Variants in SOX6 observed in about 807,000 individuals in gnomAD.
SOX6 encodes the protein transcription factor SOX-6.
In SOX6, 11 loss-of-function variants were observed where a neutral mutation model predicts 97.8. That is an observed-to-expected ratio of 0.11 (90% confidence interval 0.07 to 0.19). SOX6 has a LOEUF of 0.19. Among genes scored for constraint, SOX6 ranks in the 10% least tolerant of loss-of-function variants. The pLI is 1.00. For synonymous variants in SOX6, 360 were observed against 371.4 expected (o/e 0.97, Z 0.35); for missense variants, 810 against 1,039.5 (o/e 0.78, Z 3.04).
chr11:16,241,759 G>C (rs1853201803), intron 3 of SOX6, among the ~76,000 whole-genome samples: 2 of 151,980 alleles, frequency 1.3e-5, no homozygotes, highest in Admixed American at 6.6e-5. Context: ...CTATATGCAT[G>C]TGGACAGTCA....
intron 3 of SOX6, among the ~76,000 whole-genome samples, chr11:16,274,101 T>C (rs947016830): frequency 6.6e-6 from 1 of 152,084 alleles, no homozygotes; most frequent in Non-Finnish European, 1.5e-5. Flanking sequence ...AATAAATATG[T>C]AGCTTTTATA....
rs552589047 is a variant in SOX6, at chr11:16,610,846, C to G, written n.609+1235G>C. On this transcript the variant is annotated intron_variant and non_coding_transcript_variant, in intron 4 of 5. Transcript: ENST00000524520. This position sits in a 1 kb window ranked among gnomAD's most constrained non-coding sequence, Gnocchi z 4.4. ...GTAAAGTGCTGGGCTCTCCACCTAC[C>G]TGGTGCGCACCGGCCTGCGGGCTCG... is the stretch of plus-strand genomic sequence containing the variant. 1.3e-4 allele frequency among the ~76,000 whole-genome samples: 20 copies of G among 152,300 alleles called. No homozygotes were observed. In the South Asian group the frequency reaches 4.1e-3, roughly 32 times the overall value.
intron 3 of SOX6, among the ~76,000 whole-genome samples, chr11:16,688,166 G>A (rs1295127816): frequency 6.6e-6 from 1 of 151,726 alleles, no homozygotes; most frequent in Admixed American, 6.6e-5. Context: ...TAGAGATGAG[G>A]TCTTACTATG....
At chr11:16,242,892 T>G (rs1201723354) in intron 3 of SOX6, among the ~76,000 whole-genome samples, 1 of 151,968 alleles carries the variant, frequency 6.6e-6, no homozygotes, top group South Asian at 2.1e-4. Flanking sequence ...AGTTTGACCC[T>G]GCTGATTAAG....
At chr11:16,552,614 C>A in intron 4 of SOX6, among the ~76,000 whole-genome samples, 1 of 152,178 alleles carries the variant, frequency 6.6e-6, no homozygotes, top group East Asian at 1.9e-4. Flanking sequence ...TATTGCTACC[C>A]ATGACACTTA....
At chr11:16,247,074 C>G (rs1291070916) in intron 3 of SOX6, among the ~76,000 whole-genome samples, 1 of 152,136 alleles carries the variant, frequency 6.6e-6, no homozygotes, top group African/African-American at 2.4e-5. Flanking sequence ...TTATCCTTCC[C>G]AGCTACTGGT....
rs371518412 is a variant in SOX6 at position 16,227,899 on chromosome 11, T to TA, written c.535+6682dup. Among the ~76,000 whole-genome samples, 49 of 152,234 alleles carry TA rather than the reference T, an allele frequency of 3.2e-4. 1 individual carries two copies. The East Asian group carries it at 8.3e-3, about 26-fold the overall frequency. Reference sequence around the variant, plus strand: ...AATACTAATGTAACAATAGATCTCTTAAAAATATGAGACCCAGGCCGGGTG... The same window carrying TA: ...AATACTAATGTAACAATAGATCTCTTAAAAAATATGAGACCCAGGCCGGGTG... On this transcript the variant is annotated intron_variant, in intron 4 of 15. Transcript: ENST00000683767.
rs201516052 is a variant in SOX6 at position 16,132,266 on chromosome 11, AGAAGGAAGGAAGGAAGGAAGGAAGGAAG to A, written c.778-20371_778-20344del. On this transcript the variant is annotated intron_variant, in intron 6 of 15. Coordinates refer to ENST00000683767, the MANE Select transcript of SOX6 (RefSeq NM_001367873.1). ...AAGAAAGGAAGGAAGAAAGAAAGAA[AGAAGGAAGGAAGGAAGGAAGGAAGGAAG>A]GAAGGAAGGAAGGAAGGAAGGAAGG... 8.3e-3 allele frequency among the ~76,000 whole-genome samples: 319 copies of A among 38,258 alleles called. 8 individuals are homozygous for A. The highest frequency in any genetic ancestry group is 0.032 in the Middle Eastern group (2 of 62). The allele number at this position is 38,258 out of a possible 152,430, so 25.1% of individuals were successfully genotyped here. A position where few individuals can be genotyped will look rare whatever the true frequency, so the allele number is the denominator to read the frequency against.
At chr11:16,732,651 C>T (rs1232637055) in intron 2 of SOX6, among the ~76,000 whole-genome samples, 1 of 152,146 alleles carries the variant, frequency 6.6e-6, no homozygotes, top group Non-Finnish European at 1.5e-5. Context: ...AAAACCTAGG[C>T]AATACCATAC....
At chr11:16,560,378 C>T (rs1414859769) in intron 4 of SOX6, among the ~76,000 whole-genome samples, 1 of 151,828 alleles carries the variant, frequency 6.6e-6, no homozygotes, top group African/African-American at 2.4e-5. Flanking sequence ...GTAGCAGGTG[C>T]CTTGTATTAC....
intron 3 of SOX6, among the ~76,000 whole-genome samples, chr11:16,293,993 C>T (rs1458542391): frequency 6.6e-6 from 1 of 151,592 alleles, no homozygotes; most frequent in Non-Finnish European, 1.5e-5. Flanking sequence ...TAATTACTGG[C>T]TTATATATGC....
intron 1 of SOX6, among the ~76,000 whole-genome samples, chr11:16,410,753 G>A (rs1309476034): frequency 4.7e-5 from 6 of 128,484 alleles, no homozygotes; most frequent in Admixed American, 1.6e-4. Context: ...AGCAAGAACC[G>A]GTCTCCAAAA....
chr11:16,533,304 G>A (rs1342900473), intron 4 of SOX6, among the ~76,000 whole-genome samples: 1 of 151,760 alleles, frequency 6.6e-6, no homozygotes, highest in Admixed American at 6.6e-5. Flanking sequence ...CTATGAAGCT[G>A]GGTAAGATGA....
chr11:16,738,015 C>T (rs1848407224), intron 1 of SOX6, among the ~76,000 whole-genome samples: 1 of 151,942 alleles, frequency 6.6e-6, no homozygotes, highest in Non-Finnish European at 1.5e-5. Flanking sequence ...GAGGAGCACT[C>T]CCACCTCACA....
chr11:16,294,889 C>A (rs1056708073), intron 3 of SOX6, among the ~76,000 whole-genome samples: 1 of 151,774 alleles, frequency 6.6e-6, no homozygotes, highest in African/African-American at 2.4e-5. Context: ...TCATTAGGAC[C>A]CACACACTGT....
chr11:16,235,684 T>C (rs746372107), intron 3 of SOX6, among the ~76,000 whole-genome samples: 26 of 152,174 alleles, frequency 1.7e-4, no homozygotes, highest in Non-Finnish European at 3.2e-4. Context: ...ATGCCTTTTC[T>C]CTCTCGTATC....
chr11:16,068,985 CATT>C (rs1421150344), intron 9 of SOX6, among the ~76,000 whole-genome samples: 1 of 152,132 alleles, frequency 6.6e-6, no homozygotes, highest in African/African-American at 2.4e-5. Flanking sequence ...TAATGCTGAC[CATT>C]AAAACCTCTT....
At chr11:16,476,504 TC>T (rs1233323011), upstream of SOX6, 1 of 152,174 alleles carries the variant, frequency 6.6e-6, no homozygotes, top group Non-Finnish European at 1.5e-5. Flanking sequence ...CATGCAGTTG[TC>T]CCCATCTACT....
At chr11:16,336,960 A>T (rs2134333649) in intron 2 of SOX6, among the ~76,000 whole-genome samples, 1 of 152,284 alleles carries the variant, frequency 6.6e-6, no homozygotes, top group East Asian at 1.9e-4. Flanking sequence ...TTAAAGCAGT[A>T]ATTCTCTATC....
Sources: gnomAD v4.1 joint callset for allele counts (sites outside exome capture counted in the v4.1 genomes callset) on GRCh38, gnomAD v4.1.1 for gene constraint, Gnocchi (gnomAD v3.1) non-coding constraint, MANE v1.5 for transcripts, NCBI Gene and HGNC (gene_info 2026-07-23, HGNC 2026-07-21) for gene names.